SGCZ: variants seen among roughly 807,000 people sequenced by gnomAD.
The protein encoded by SGCZ is zeta-sarcoglycan.
SGCZ carries 40 observed loss-of-function variants against 41.3 expected under a neutral mutation model. The observed-to-expected ratio is 0.97, with a 90% CI of 0.75 to 1.26. The LOEUF (loss-of-function observed/expected upper bound fraction) is 1.26. Among genes scored for constraint, SGCZ ranks in the 50% most tolerant of loss-of-function variants. SGCZ has a pLI of 0.00. For synonymous variants in SGCZ, 206 were observed against 137.5 expected (o/e 1.50, Z -3.49); for missense variants, 552 against 369.8 (o/e 1.49, Z -4.04).
At chr8:14,969,725 C>G (rs1801232026) in intron 1 of SGCZ, among the ~76,000 whole-genome samples, 1 of 151,946 alleles carries the variant, frequency 6.6e-6, no homozygotes, top group Non-Finnish European at 1.5e-5. Flanking sequence ...ATTGTTCACT[C>G]TTTTCTATCA....
intron 1 of SGCZ, among the ~76,000 whole-genome samples, chr8:15,083,816 G>A (rs1334892879): frequency 6.6e-6 from 1 of 152,036 alleles, no homozygotes; most frequent in Non-Finnish European, 1.5e-5. Flanking sequence ...CTGGTCTCTA[G>A]CTCTTGGGCT....
intron 3 of SGCZ, among the ~76,000 whole-genome samples, chr8:14,292,606 C>T (rs1306503551): frequency 6.6e-6 from 1 of 152,000 alleles, no homozygotes; most frequent in Non-Finnish European, 1.5e-5. Flanking sequence ...ATATGCTCTA[C>T]CTATGACAAT....
chr8:14,774,737 C>G (rs1212353108), intron 1 of SGCZ, among the ~76,000 whole-genome samples: 1 of 152,166 alleles, frequency 6.6e-6, no homozygotes, highest in Non-Finnish European at 1.5e-5. Context: ...AACCAATGAT[C>G]TTCATTAGCA....
intron 5 of SGCZ, among the ~76,000 whole-genome samples, chr8:14,116,421 T>C (rs554175813): frequency 1.2e-4 from 19 of 152,218 alleles, no homozygotes; most frequent in African/African-American, 4.1e-4. Context: ...TCTCTGCCGA[T>C]GAGAAAAGAT....
rs367586858 is a variant in SGCZ, at chr8:14,131,953, TAC to T, written c.548-23720_548-23719del. Among the ~76,000 whole-genome samples, 892 of 152,252 alleles carry T rather than the reference TAC, an allele frequency of 5.9e-3. 11 individuals carry two copies. The highest frequency in any genetic ancestry group is 0.021 in the African/African-American group (866 of 41,538). ...GCTGTCCCATCTAGGGCTGTGTAAA[TAC>T]ACTCTATGATGTTCACATAATGATG... On this transcript the variant is annotated intron_variant, in intron 5 of 7. Transcript: ENST00000382080.
intron 2 of SGCZ, among the ~76,000 whole-genome samples, chr8:14,336,318 ATGATGGGCATTCAGCCTGCTAT>A (rs1382733624): frequency 6.6e-6 from 1 of 152,108 alleles, no homozygotes; most frequent in Non-Finnish European, 1.5e-5. Context: ...CAGTCTACAA[ATGATGGGCATTCAGCCTGCTAT>A]TGATGGGCAT....
chr8:14,177,958 C>CTTTTCTTTCTTTTTCTT (rs767919994), intron 4 of SGCZ, among the ~76,000 whole-genome samples: 3 of 95,050 alleles, frequency 3.2e-5, no homozygotes, highest in African/African-American at 7.4e-5. Context: ...CTTTTTTTTT[C>CTTTTCTTTCTTTTTCTT]TTTTTTTTTT....
At chr8:15,011,984 T>A (rs1028556347) in intron 1 of SGCZ, among the ~76,000 whole-genome samples, 12 of 152,162 alleles carry the variant, frequency 7.9e-5, no homozygotes, top group African/African-American at 1.9e-4. Context: ...GAAGAGTAGC[T>A]CTATTAGAAG....
rs1801313153 is a variant in SGCZ at position 15,213,816 on chromosome 8, C to T, written c.39+23769G>A. On this transcript the variant is annotated intron_variant, in intron 1 of 7. Coordinates refer to ENST00000382080, the MANE Select transcript of SGCZ (RefSeq NM_139167.4). ...TGTAATTTATAATTACTAGAATACT[C>T]CTTAATAAAAGGAGGAGAATATGTT... 2.6e-5 allele frequency among the ~76,000 whole-genome samples: 4 copies of T among 151,790 alleles called. No individual in the cohort carries two copies. The South Asian group carries it at 6.2e-4, about 24-fold the overall frequency.
intron 4 of SGCZ, among the ~76,000 whole-genome samples, chr8:14,233,867 A>G (rs1806660656): frequency 6.6e-6 from 1 of 151,920 alleles, no homozygotes; most frequent in Non-Finnish European, 1.5e-5. Context: ...CTCGTTTAAG[A>G]AAGTTCTTGC....
chr8:14,707,868 T>C (rs1416666772), intron 1 of SGCZ, among the ~76,000 whole-genome samples: 1 of 152,134 alleles, frequency 6.6e-6, no homozygotes, highest in East Asian at 1.9e-4. Flanking sequence ...AACTCGAATT[T>C]AAAATATATT....
chr8:14,630,790 G>A (rs542937610), intron 1 of SGCZ, among the ~76,000 whole-genome samples: 31 of 148,884 alleles, frequency 2.1e-4, no homozygotes, highest in Non-Finnish European at 3.4e-4. Context: ...CAAACACCAC[G>A]TGTTCTCACT....
intron 5 of SGCZ, among the ~76,000 whole-genome samples, chr8:14,121,493 C>T (rs1447724586): frequency 6.6e-6 from 1 of 152,108 alleles, no homozygotes; most frequent in Non-Finnish European, 1.5e-5. Context: ...TATGTGATAT[C>T]TTACCACACT....
At chr8:14,509,743 G>A (rs528467983) in intron 2 of SGCZ, among the ~76,000 whole-genome samples, 1 of 152,038 alleles carries the variant, frequency 6.6e-6, no homozygotes, top group Admixed American at 6.6e-5. Flanking sequence ...AGGTTTAATC[G>A]ACTCACAGTT....
At chr8:14,578,361 GC>G (rs1351370992) in intron 1 of SGCZ, among the ~76,000 whole-genome samples, 4 of 152,274 alleles carry the variant, frequency 2.6e-5, no homozygotes, top group Non-Finnish European at 5.9e-5. Flanking sequence ...CAGCAGACCA[GC>G]CTGGCCCAGA....
At chr8:14,485,385 C>A (rs978768546) in intron 2 of SGCZ, among the ~76,000 whole-genome samples, 1 of 151,998 alleles carries the variant, frequency 6.6e-6, no homozygotes, top group Non-Finnish European at 1.5e-5. Flanking sequence ...TACAGGCGTG[C>A]GCCACTATGC....
At chr8:14,430,908 A>T (rs1799925554) in intron 2 of SGCZ, among the ~76,000 whole-genome samples, 1 of 152,208 alleles carries the variant, frequency 6.6e-6, no homozygotes, top group Non-Finnish European at 1.5e-5. Context: ...ACAGCGACCA[A>T]GCTGAGAATC....
intron 5 of SGCZ, among the ~76,000 whole-genome samples, chr8:14,127,143 C>T (rs891550966): frequency 6.6e-6 from 1 of 151,958 alleles, no homozygotes; most frequent in Admixed American, 6.6e-5. Context: ...GCACATGTAT[C>T]CTGGGACTTA....
chr8:14,113,070 T>C (rs1326583082), intron 5 of SGCZ, among the ~76,000 whole-genome samples: 3 of 152,098 alleles, frequency 2.0e-5, no homozygotes. Flanking sequence ...ATAATCTAAG[T>C]GGTGTTTTTG....
Sources: gnomAD v4.1 joint callset for allele counts (sites outside exome capture counted in the v4.1 genomes callset) on GRCh38, gnomAD v4.1.1 for gene constraint, MANE v1.5 for transcripts, NCBI Gene and HGNC (gene_info 2026-07-23, HGNC 2026-07-21) for gene names.